SYNE2: variants seen among roughly 807,000 people sequenced by gnomAD.
The protein encoded by SYNE2 is nesprin-2.
In SYNE2, 431 loss-of-function variants were observed where a neutral mutation model predicts 856.3. The observed-to-expected ratio is 0.50, with a 90% confidence interval of 0.47 to 0.55. SYNE2 has a LOEUF of 0.55. Among genes scored for constraint, SYNE2 ranks in the 20% least tolerant of loss-of-function variants. The pLI is 0.00. For synonymous variants in SYNE2, 2,923 were observed against 2,872.3 expected, an observed-to-expected ratio of 1.02 and a Z score of -0.56; for missense variants, 8,129 against 8,023.2, an observed-to-expected ratio of 1.01 and a Z score of -0.50.
intron 52 of SYNE2, 48 bp downstream of exon 52, chr14:64,070,958 C>T (rs1176285007): frequency 3.1e-6 from 5 of 1,601,840 alleles, no homozygotes; most frequent in Non-Finnish European, 3.4e-6. Context: ...ACAATTATGG[C>T]TCAAAATTTA....
intron 1 of SYNE2, among the ~76,000 whole-genome samples, chr14:63,889,466 A>G (rs2095076875): frequency 6.6e-6 from 1 of 152,026 alleles, no homozygotes. Flanking sequence ...TTAAAGTATT[A>G]TTTTTATTTT....
chr14:64,026,786 A>C, intron 42 of SYNE2, 56 bp downstream of exon 42: 1 of 1,559,440 alleles, frequency 6.4e-7, no homozygotes, highest in Non-Finnish European at 8.7e-7. Flanking sequence ...TGAAGCCATA[A>C]CAAGTATGTT....
chr14:64,215,008 G>A (rs962937842), intron 106 of SYNE2, among the ~76,000 whole-genome samples: 1 of 152,132 alleles, frequency 6.6e-6, no homozygotes, highest in Admixed American at 6.5e-5. Flanking sequence ...CCAAAGTACT[G>A]AGATTGCAGA....
At chr14:63,820,263 A>G (rs1407086641) in intron 1 of SYNE2, among the ~76,000 whole-genome samples, 1 of 152,242 alleles carries the variant, frequency 6.6e-6, no homozygotes, top group Non-Finnish European at 1.5e-5. Context: ...AAATAAACCC[A>G]TACATATATG....
rs1230714905 is a variant in SYNE2, at chr14:64,062,802, T to G, written c.10119T>G (p.Thr3373=). 6.2e-7 allele frequency: 1 copy of G among 1,614,090 alleles called. No individual in the cohort carries two copies. ...CYRKMEEDIY[T]NLSKMETVLG... is the part of the protein sequence containing the mutation. ...GAAAAATGGAAGAGGATATTTACAC[T>G]AACCTCAGCAAAATGGAGACAGTTC... Residue 3373 remains threonine, a synonymous_variant, in exon 50 of 116, where the codon ACT becomes ACG. Transcript: ENST00000555002.
intron 32 of SYNE2, among the ~76,000 whole-genome samples, chr14:64,014,674 C>T (rs949076766): frequency 3.1e-4 from 47 of 151,944 alleles, no homozygotes; most frequent in African/African-American, 1.1e-3. Context: ...TGATCCACCT[C>T]GGCCTCCCAA....
At chr14:63,943,478 C>T (rs2095958404) in intron 6 of SYNE2, among the ~76,000 whole-genome samples, 1 of 151,880 alleles carries the variant, frequency 6.6e-6, no homozygotes, top group Non-Finnish European at 1.5e-5. Flanking sequence ...AAATTTAAAA[C>T]ATGCAGAGAC....
intron 1 of SYNE2, among the ~76,000 whole-genome samples, chr14:63,814,607 A>G (rs1225381917): frequency 1.5e-5 from 2 of 137,708 alleles, no homozygotes; most frequent in Non-Finnish European, 3.0e-5. Flanking sequence ...ATCCTTATAT[A>G]GATCCATATA....
intron 1 of SYNE2, among the ~76,000 whole-genome samples, chr14:63,840,795 C>G (rs1019618533): frequency 6.6e-6 from 1 of 152,102 alleles, no homozygotes; most frequent in African/African-American, 2.4e-5. Flanking sequence ...GGCGGATCCC[C>G]TGAGGTCGGG....
chr14:64,052,289 G>T lies in SYNE2; in HGVS notation c.8376G>T (p.Lys2792Asn), dbSNP rs780856927. The change falls in exon 48 of 116, where the codon AAG (lysine) becomes AAT (asparagine). Residue 2792 changes from lysine to asparagine, a missense_variant. Lys to Asn is a moderately conservative substitution (Grantham distance 94, BLOSUM62 0). Coordinates refer to ENST00000555002, the MANE Select transcript of SYNE2 (RefSeq NM_182914.3). ...CGTTGGCTGAAGAGGTCAAAGATAA[G>T]GTTCCTAGCCTTACAACCTATGAGG... ...VESLAEEVKD[K>N]VPSLTTYEGS... 2 of 1,614,148 alleles carry T rather than the reference G, an allele frequency of 1.2e-6. No individual in the cohort carries two copies. Among genetic ancestry groups the T allele is most frequent in the Non-Finnish European group, 1.7e-6 (2 of 1,180,018 alleles).
chr14:64,095,475 G>A (rs2097668787), intron 61 of SYNE2, among the ~76,000 whole-genome samples: 1 of 152,160 alleles, frequency 6.6e-6, no homozygotes, highest in African/African-American at 2.4e-5. Flanking sequence ...GCTGAGTTAG[G>A]CCGATCTTCC....
Position 63,808,936 on chromosome 14 carries a change from T to C in SYNE2, c.-304-43565T>C, listed in dbSNP as rs549958224. ...TTCTCGGGAGGCTGAGGCAGGAGAA[T>C]TGCTTGAACCCAGATGGCAGAGGTT... On this transcript the variant is annotated intron_variant, in intron 1 of 23. Transcript: ENST00000674003. 1.5e-3 allele frequency among the ~76,000 whole-genome samples: 230 copies of C among 152,116 alleles called. No individual in the cohort carries two copies. The Middle Eastern group carries it at 0.017, about 11-fold the overall frequency.
chr14:64,210,433 G>A (rs372486597), intron 103 of SYNE2, among the ~76,000 whole-genome samples: 1 of 152,162 alleles, frequency 6.6e-6, no homozygotes, highest in Non-Finnish European at 1.5e-5. Flanking sequence ...GCGCCGCTTC[G>A]CTGGGTCTGG....
intron 1 of SYNE2, among the ~76,000 whole-genome samples, chr14:63,834,069 T>A (rs1379513312): frequency 6.6e-6 from 1 of 152,184 alleles, no homozygotes; most frequent in East Asian, 1.9e-4. Context: ...GGCAGTCTCA[T>A]TTTTTTGGTA....
chr14:63,937,504 T>C (rs561612835), intron 2 of SYNE2, among the ~76,000 whole-genome samples: 2 of 152,286 alleles, frequency 1.3e-5, no homozygotes, highest in African/African-American at 4.8e-5. Flanking sequence ...GCTGATAGGT[T>C]GGAAGCAGAG....
chr14:63,926,947 A>G (rs2153388578), intron 2 of SYNE2, among the ~76,000 whole-genome samples: 1 of 152,296 alleles, frequency 6.6e-6, no homozygotes, highest in South Asian at 2.1e-4. Context: ...TTAACTGGTG[A>G]AGTGAATAGG....
chr14:64,183,742 C>T (rs189712773), intron 96 of SYNE2, among the ~76,000 whole-genome samples: 175 of 152,216 alleles, frequency 1.1e-3, no homozygotes, highest in African/African-American at 3.6e-3. Flanking sequence ...AGCGAAACTC[C>T]GTCTCCACCA....
chr14:63,815,193 CATATATATATCCATATATATATCCAT>C (rs1888904337), intron 1 of SYNE2, among the ~76,000 whole-genome samples: 1 of 12,260 alleles, frequency 8.2e-5, no homozygotes, highest in Non-Finnish European at 2.3e-4. Context: ...TATATATATC[CATATATATATCCATATATATATCCAT>C]ATATATATCC....
Position 64,130,143 on chromosome 14 carries a change from A to T in SYNE2, c.14235A>T (p.Gln4745His), listed in dbSNP as rs1339570501. Residue 4745 changes from glutamine to histidine, a missense_variant, in exon 76 of 116, where the codon CAA (glutamine) becomes CAT (histidine). Gln to His is a conservative substitution (Grantham distance 24). Transcript: ENST00000555002. Reference sequence around the variant, plus strand: ...AGAGCCAGCAAGATGCTTTGTTGCAAGGCATGGTGGAACTGGTGAAGATTG... The same window carrying T: ...AGAGCCAGCAAGATGCTTTGTTGCATGGCATGGTGGAACTGGTGAAGATTG... ...VTESQQDALL[Q>H]GMVELVKIGK... is the part of the protein sequence containing the mutation. 1 of 1,614,176 alleles carries T rather than the reference A, an allele frequency of 6.2e-7. No individual in the cohort carries two copies. Among genetic ancestry groups the T allele is most frequent in the South Asian group, 1.1e-5 (1 of 91,090 alleles).
Sources: allele counts gnomAD v4.1 joint callset (sites outside exome capture counted in the v4.1 genomes callset), GRCh38; gene constraint gnomAD v4.1.1; transcripts MANE v1.5; gene names NCBI Gene and HGNC (gene_info 2026-07-23, HGNC 2026-07-21).